Variants in IMMP2L observed in about 807,000 individuals in gnomAD.
The protein encoded by IMMP2L is inner mitochondrial membrane peptidase subunit 2, also known as mitochondrial inner membrane protease subunit 2.
IMMP2L carries 18 observed loss-of-function variants against 19.3 expected under a neutral mutation model. That is an observed-to-expected ratio of 0.93 (90% CI 0.64 to 1.38). The LOEUF (loss-of-function observed/expected upper bound fraction) is 1.38, where lower values mean the gene tolerates loss of function less well. Among genes scored for constraint, IMMP2L ranks in the 40% most tolerant of loss-of-function variants. The pLI is 0.00. For missense variants in IMMP2L, 233 were observed against 218.2 expected (o/e 1.07, Z -0.43); for synonymous variants, 76 against 73.0 (o/e 1.04, Z -0.21).
intron 3 of IMMP2L, among the ~76,000 whole-genome samples, chr7:111,055,922 G>A (rs1793469954): frequency 6.6e-6 from 1 of 152,076 alleles, no homozygotes; most frequent in African/African-American, 2.4e-5. Flanking sequence ...ATGTATGTGT[G>A]GCAATGACAT....
chr7:110,755,039 T>C (rs1797959463), intron 5 of IMMP2L, among the ~76,000 whole-genome samples: 1 of 152,026 alleles, frequency 6.6e-6, no homozygotes, highest in African/African-American at 2.4e-5. Context: ...TGCAGAATGA[T>C]ACAGGCAATG....
chr7:111,515,833 T>C (rs1271493972), intron 2 of IMMP2L, among the ~76,000 whole-genome samples: 1 of 152,224 alleles, frequency 6.6e-6, no homozygotes, highest in East Asian at 1.9e-4. Flanking sequence ...TTAATTTCTA[T>C]ATTTAAGTCC....
rs1376705010 is a variant in IMMP2L at position 111,049,148 on chromosome 7, T to G, written c.240-85583A>C. Among the ~76,000 whole-genome samples, 926 of 99,736 alleles carry G rather than the reference T, an allele frequency of 9.3e-3. 25 individuals carry two copies. Among genetic ancestry groups the G allele is most frequent in the African/African-American group, 0.03 (799 of 26,716 alleles). The allele number at this position is 99,736 out of a possible 152,430, so 65.4% of individuals were successfully genotyped here. A position where few individuals can be genotyped will look rare whatever the true frequency, so the allele number is the denominator to read the frequency against. On this transcript the variant is annotated intron_variant, in intron 3 of 5. Transcript: ENST00000405709. ...TTTTTTTTTTTTTCTTTTTTTTTTT[T>G]GGGACGGAGTCTCGCTCTGTCGCCC...
At chr7:111,033,310 A>G (rs1229072813) in intron 3 of IMMP2L, among the ~76,000 whole-genome samples, 1 of 152,156 alleles carries the variant, frequency 6.6e-6, no homozygotes, top group African/African-American at 2.4e-5. Context: ...AACCCAAAAC[A>G]CTGACTACAG....
intron 5 of IMMP2L, among the ~76,000 whole-genome samples, chr7:110,811,277 C>A (rs535180439): frequency 2.6e-4 from 39 of 152,062 alleles, no homozygotes; most frequent in Admixed American, 2.6e-3. Flanking sequence ...TGGAGAAGCA[C>A]AAGGCTTAAT....
At chr7:111,325,236 CT>C (rs1825184335) in intron 3 of IMMP2L, among the ~76,000 whole-genome samples, 1 of 151,550 alleles carries the variant, frequency 6.6e-6, no homozygotes, top group African/African-American at 2.4e-5. Flanking sequence ...TAATGTTTAA[CT>C]TTTAATATAA....
Position 111,503,856 on chromosome 7 carries a change from C to G in IMMP2L, c.136-16515G>C, listed in dbSNP as rs543889451. Among the ~76,000 whole-genome samples, 58 of 152,190 alleles carry G rather than the reference C, an allele frequency of 3.8e-4. 2 individuals are homozygous for G. The South Asian group carries it at 0.011, about 29-fold the overall frequency. On this transcript the variant is annotated intron_variant, in intron 2 of 5. Transcript: ENST00000405709. ...AGAGCTATCTATGACAAACCCACAG[C>G]CAATATCATACTGAATGGACAAAAA... is the stretch of plus-strand genomic sequence containing the variant.
chr7:111,527,519 T>C (rs967534208), intron 1 of IMMP2L, among the ~76,000 whole-genome samples: 1 of 152,082 alleles, frequency 6.6e-6, no homozygotes, highest in Non-Finnish European at 1.5e-5. Flanking sequence ...CTTAAGAACT[T>C]TGGCAGATAC....
intron 5 of IMMP2L, among the ~76,000 whole-genome samples, chr7:110,766,403 C>A (rs142533989): frequency 6.6e-6 from 1 of 151,864 alleles, no homozygotes; most frequent in Non-Finnish European, 1.5e-5. Context: ...CCAACTTGGC[C>A]CACATGGCGA....
intron 3 of IMMP2L, among the ~76,000 whole-genome samples, chr7:111,308,193 C>T (rs1282088075): frequency 6.6e-6 from 1 of 151,912 alleles, no homozygotes; most frequent in African/African-American, 2.4e-5. Flanking sequence ...TGGCAGTACC[C>T]TATCTCACAG....
At chr7:110,829,916 G>T (rs369102171) in intron 5 of IMMP2L, among the ~76,000 whole-genome samples, 2 of 152,118 alleles carry the variant, frequency 1.3e-5, no homozygotes, top group African/African-American at 4.8e-5. Context: ...ATTTGAGAGA[G>T]AAGCAATATT....
intron 3 of IMMP2L, among the ~76,000 whole-genome samples, chr7:111,339,229 T>A (rs929934921): frequency 3.9e-4 from 60 of 151,938 alleles, no homozygotes; most frequent in Admixed American, 2.0e-3. Context: ...GAAATTATAA[T>A]GCTTAGAACA....
chr7:111,474,881 A>C (rs60926751), intron 3 of IMMP2L, among the ~76,000 whole-genome samples: 3,524 of 152,186 alleles, frequency 0.023, 137 homozygotes, highest in African/African-American at 0.08. Flanking sequence ...ATTCTTACTT[A>C]ATTCTATGGT....
At chr7:111,250,679 G>C (rs1816001550) in intron 3 of IMMP2L, among the ~76,000 whole-genome samples, 1 of 152,142 alleles carries the variant, frequency 6.6e-6, no homozygotes. Context: ...AATAAATGGT[G>C]CTGGGAAAAC....
chr7:111,496,959 T>C (rs1843653931), intron 2 of IMMP2L, among the ~76,000 whole-genome samples: 1 of 152,180 alleles, frequency 6.6e-6, no homozygotes, highest in African/African-American at 2.4e-5. Flanking sequence ...ATTCGTTCTG[T>C]CTCTCCGGTG....
chr7:111,377,108 T>TA (rs1174214741), intron 3 of IMMP2L, among the ~76,000 whole-genome samples: 4 of 151,828 alleles, frequency 2.6e-5, no homozygotes, highest in South Asian at 4.1e-4. Context: ...ATTTGCACAA[T>TA]AAAAAATATA....
At chr7:111,382,766 C>T (rs955587753) in intron 3 of IMMP2L, among the ~76,000 whole-genome samples, 2 of 152,014 alleles carry the variant, frequency 1.3e-5, no homozygotes, top group Admixed American at 6.6e-5. Context: ...AACACCTCTT[C>T]GTCCAGAAAT....
At chr7:111,550,270 T>C (rs1040672083) in intron 1 of IMMP2L, among the ~76,000 whole-genome samples, 1 of 151,974 alleles carries the variant, frequency 6.6e-6, no homozygotes, top group Admixed American at 6.6e-5. Context: ...TTGGAGACAG[T>C]GAAAAGATCA....
At chr7:111,021,198 T>G (rs1039196256) in intron 3 of IMMP2L, among the ~76,000 whole-genome samples, 6 of 152,234 alleles carry the variant, frequency 3.9e-5, no homozygotes, top group Non-Finnish European at 8.8e-5. Context: ...ATAGGTTAGC[T>G]ATTTCCTCAT....
Sources: gnomAD v4.1 joint callset for allele counts (sites outside exome capture counted in the v4.1 genomes callset) on GRCh38, gnomAD v4.1.1 for gene constraint, MANE v1.5 for transcripts, NCBI Gene and HGNC (gene_info 2026-07-23, HGNC 2026-07-21) for gene names.